The following NAT1 variants were observed in gnomAD, a reference collection of about 807,000 sequenced individuals.
NAT1 encodes the protein arylamine N-acetyltransferase 1.
For missense variants in NAT1, 400 were observed against 339.2 expected (o/e 1.18, Z -1.41); for synonymous variants, 144 against 122.6 (o/e 1.17, Z -1.16).
chr8:18,206,444 T>C (rs1297898635), upstream of NAT1, among the ~76,000 whole-genome samples: 6 of 152,210 alleles, frequency 3.9e-5, no homozygotes, highest in Admixed American at 2.0e-4. Flanking sequence ...TTACTGTTAA[T>C]GTGGGAAAAA....
chr8:18,182,707 T>A (rs1802568800), intron 2 of NAT1, among the ~76,000 whole-genome samples: 1 of 152,122 alleles, frequency 6.6e-6, no homozygotes, highest in African/African-American at 2.4e-5. Context: ...TCTCTAAGAC[T>A]GTCTCACTAT....
chr8:18,171,469 G>C (rs556807764), intron 2 of NAT1, among the ~76,000 whole-genome samples: 8 of 152,156 alleles, frequency 5.3e-5, no homozygotes, highest in Non-Finnish European at 1.0e-4. Flanking sequence ...CAGTTTGACC[G>C]AATTAACCCT....
At chr8:18,215,906 T>C (rs1804610181) in intron 1 of NAT1, among the ~76,000 whole-genome samples, 2 of 152,102 alleles carry the variant, frequency 1.3e-5, no homozygotes, top group Non-Finnish European at 2.9e-5. Context: ...AAGTTAAGGA[T>C]GTGGGCCTGG....
intron 2 of NAT1, among the ~76,000 whole-genome samples, chr8:18,201,534 C>A (rs909530764): frequency 2.0e-5 from 3 of 151,392 alleles, no homozygotes; most frequent in African/African-American, 7.3e-5. Flanking sequence ...CTCAGGGCCC[C>A]TCTCAAAAAA....
intron 2 of NAT1, among the ~76,000 whole-genome samples, chr8:18,179,001 T>C (rs1205312108): frequency 6.6e-6 from 1 of 152,146 alleles, no homozygotes; most frequent in Non-Finnish European, 1.5e-5. Context: ...TTTCAACTTG[T>C]CCTTCTTGTT....
chr8:18,181,921 G>A (rs561410595), intron 2 of NAT1, among the ~76,000 whole-genome samples: 84 of 152,238 alleles, frequency 5.5e-4, no homozygotes, highest in African/African-American at 1.7e-3. Flanking sequence ...CTCTAGGTTT[G>A]GAATCAGGCA....
At chr8:18,193,949 C>A (rs536605556) in intron 2 of NAT1, among the ~76,000 whole-genome samples, 2 of 152,004 alleles carry the variant, frequency 1.3e-5, no homozygotes, top group South Asian at 4.2e-4. Context: ...CCTAAACCTG[C>A]TATTTTTAAA....
intron 1 of NAT1, among the ~76,000 whole-genome samples, chr8:18,215,378 G>C (rs1804540608): frequency 6.6e-6 from 1 of 152,102 alleles, no homozygotes; most frequent in Admixed American, 6.5e-5. Context: ...CATTTCATTA[G>C]CCTTTAGTAG....
At chr8:18,207,388 T>C (rs527406508), upstream of NAT1, among the ~76,000 whole-genome samples, 15 of 145,988 alleles carry the variant, frequency 1.0e-4, no homozygotes, top group Non-Finnish European at 2.1e-4. Context: ...AATTTTAAAA[T>C]AGTTTTTTTT....
At chr8:18,175,568 G>C (rs891636189) in intron 2 of NAT1, among the ~76,000 whole-genome samples, 1 of 152,058 alleles carries the variant, frequency 6.6e-6, no homozygotes, top group African/African-American at 2.4e-5. Context: ...AGGCTATATA[G>C]TATTCCATTG....
At chr8:18,176,909 A>G (rs1802316362) in intron 2 of NAT1, among the ~76,000 whole-genome samples, 1 of 152,008 alleles carries the variant, frequency 6.6e-6, no homozygotes, top group Non-Finnish European at 1.5e-5. Flanking sequence ...AATGTTTTAT[A>G]GCTTTTAGTG....
At chr8:18,183,079 C>T (rs139254564) in intron 2 of NAT1, among the ~76,000 whole-genome samples, 126 of 152,242 alleles carry the variant, frequency 8.3e-4, no homozygotes, top group African/African-American at 2.9e-3. Context: ...AATGTATTGG[C>T]TCATAGTTCT....
chr8:18,193,115 G>GT (rs1803079471), intron 2 of NAT1, among the ~76,000 whole-genome samples: 1 of 111,824 alleles, frequency 8.9e-6, no homozygotes, highest in Non-Finnish European at 1.7e-5. Flanking sequence ...CTCTCAGTCT[G>GT]TTGCCCAGGT....
intron 2 of NAT1, among the ~76,000 whole-genome samples, chr8:18,186,591 A>G (rs956470853): frequency 1.3e-5 from 2 of 152,162 alleles, no homozygotes; most frequent in Non-Finnish European, 2.9e-5. Flanking sequence ...GTTTATACCT[A>G]TCGTCTTATT....
chr8:18,187,934 TAA>T (rs1802810038), intron 2 of NAT1, among the ~76,000 whole-genome samples: 1 of 60,506 alleles, frequency 1.7e-5, no homozygotes, highest in East Asian at 6.8e-4. Context: ...TCTTGTATCT[TAA>T]ACACACACAC....
intron 1 of NAT1, among the ~76,000 whole-genome samples, chr8:18,211,618 T>TG (rs1384826510): frequency 1.3e-5 from 2 of 152,182 alleles, no homozygotes; most frequent in Non-Finnish European, 2.9e-5. Context: ...CGGCATTAAA[T>TG]GGGAGCAGTG....
At chr8:18,207,348 C>G (rs571917958), upstream of NAT1, among the ~76,000 whole-genome samples, 1 of 152,228 alleles carries the variant, frequency 6.6e-6, no homozygotes, top group East Asian at 1.9e-4. Context: ...ATTGTCTTAG[C>G]TATCCAGGCT....
Position 18,186,792 on chromosome 8 carries a change from C to T in NAT1, n.92+16053C>T, listed in dbSNP as rs553715613. Reference sequence around the variant, plus strand: ...CTGAAAATTAATTGCTAAAAATTGACAAATGGGAACTAATTAATCTAAAGA... The same window carrying T: ...CTGAAAATTAATTGCTAAAAATTGATAAATGGGAACTAATTAATCTAAAGA... On this transcript the variant is annotated intron_variant and non_coding_transcript_variant, in intron 2 of 4. Transcript: ENST00000517441. Among the ~76,000 whole-genome samples the T allele has an allele frequency of 2.2e-4, 34 of 152,124 alleles. 1 individual carries two copies. Among genetic ancestry groups the T allele is most frequent in the African/African-American group, 8.0e-4 (33 of 41,496 alleles).
upstream of NAT1, among the ~76,000 whole-genome samples, chr8:18,208,365 C>T (rs968103586): frequency 2.0e-5 from 3 of 152,062 alleles, no homozygotes; most frequent in Admixed American, 6.5e-5. Context: ...TTGCCGATGA[C>T]GTGATCCTAC....
Sources: allele counts gnomAD v4.1 joint callset (sites outside exome capture counted in the v4.1 genomes callset), GRCh38; gene constraint gnomAD v4.1.1; transcripts MANE v1.5; gene names NCBI Gene and HGNC (gene_info 2026-07-23, HGNC 2026-07-21).